The following LPCAT1 variants were observed in gnomAD, a reference collection of about 807,000 sequenced individuals.
LPCAT1 encodes 1-acylglycerol-3-phosphate O-acyltransferase.
A neutral mutation model predicts 60.9 loss-of-function variants in LPCAT1; 23 were observed. The ratio of observed to expected loss-of-function variants is 0.38; its 90% CI spans 0.27 to 0.53. The LOEUF is 0.53. Ranked by LOEUF, LPCAT1 falls within the 20% of genes least tolerant of loss-of-function variation. LPCAT1 has a pLI of 0.82. For missense variants in LPCAT1, 622 were observed against 723.6 expected (o/e 0.86, Z 1.61); for synonymous variants, 340 against 301.1 (o/e 1.13, Z -1.34).
At position 1,487,035 on chromosome 5, in the gene LPCAT1, G is replaced by A. The variant is rs538945483; in HGVS notation, c.667+1356C>T. ...CCTCACGTCTACACAAGGGCCGCCA[G>A]CTCCAAAGGGCAAGGCGATGGCCCT... is the stretch of plus-strand genomic sequence containing the variant. On this transcript the variant is annotated intron_variant, in intron 5 of 13. Transcript: ENST00000283415. This position sits in a 1 kb window ranked among gnomAD's most constrained non-coding sequence, Gnocchi z 6.1. Among the ~76,000 whole-genome samples, 12 of 152,318 alleles carry A rather than the reference G, an allele frequency of 7.9e-5. No individual in the cohort carries two copies. The East Asian group carries it at 2.3e-3, about 29-fold the overall frequency.
Position 1,481,007 on chromosome 5 carries a change from T to G in LPCAT1, c.727-31A>C. 1 of 1,613,050 alleles carries G rather than the reference T, an allele frequency of 6.2e-7. No individual in the cohort carries two copies. The highest frequency in any genetic ancestry group is 1.1e-5 in the South Asian group (1 of 91,076). On this transcript the variant is annotated intron_variant, in intron 6 of 13. Transcript: ENST00000283415. The surrounding 1 kb of genome is among the most constrained non-coding windows in gnomAD (Gnocchi z 7.8). The stretch of plus-strand genomic sequence containing the variant: ...GAGGAAGAGGCAGGGTCAGTCAGCA[T>G]GGGGCCTGCACCCAGGGCCTGCACC...
intron 1 of LPCAT1, among the ~76,000 whole-genome samples, chr5:1,509,902 C>G (rs111257712): frequency 1.3e-5 from 2 of 152,210 alleles, no homozygotes; most frequent in Non-Finnish European, 2.9e-5. Flanking sequence ...GCACCCCAGG[C>G]GCTACAGATC....
chr5:1,498,910 C>T (rs1377709309), intron 2 of LPCAT1, among the ~76,000 whole-genome samples: 1 of 151,490 alleles, frequency 6.6e-6, no homozygotes, highest in Non-Finnish European at 1.5e-5. Context: ...TATGTATGCA[C>T]ACTCACATGC....
At position 1,483,682 on chromosome 5, in the gene LPCAT1, G is replaced by A. The variant is rs1429132480; in HGVS notation, c.668-196C>T. The stretch of plus-strand genomic sequence containing the variant: ...CCCAGCGCCACAGCACGGATGGGCA[G>A]GAACATCGGCCAGGGGCGCTCCCCG... On this transcript the variant is annotated intron_variant, in intron 5 of 13. Coordinates refer to ENST00000283415, the MANE Select transcript of LPCAT1 (RefSeq NM_024830.5). The surrounding 1 kb of genome is among the most constrained non-coding windows in gnomAD (Gnocchi z 9.2). Among the ~76,000 whole-genome samples, 1 of 152,262 alleles carries A rather than the reference G, an allele frequency of 6.6e-6. No homozygotes were observed. Among genetic ancestry groups the A allele is most frequent in the African/African-American group, 2.4e-5 (1 of 41,472 alleles).
chr5:1,463,773 G>A lies in LPCAT1; in HGVS notation c.1483C>T (p.Gln495Ter), dbSNP rs1340442862. ...TCTGCACAGCTTTCGAAATGTGTCTGATCCGGGTACAGGTATTCCTCTGCG... is the reference window on the plus strand; with the variant it reads ...TCTGCACAGCTTTCGAAATGTGTCTAATCCGGGTACAGGTATTCCTCTGCG... The part of the protein sequence containing the change: ...AFAEEYLYPD[Q>*]THFESCAETS... Residue 495 changes from glutamine to a stop codon, truncating the protein, a stop_gained, in exon 14 of 14, where the codon CAG (glutamine) becomes TAG (stop). Coordinates refer to ENST00000283415, the MANE Select transcript of LPCAT1 (RefSeq NM_024830.5). LOFTEE classifies it low-confidence loss of function (END_TRUNC). The A allele has an allele frequency of 6.2e-7, 1 of 1,614,128 alleles. No homozygotes were observed. The highest frequency in any genetic ancestry group is 1.7e-5 in the Admixed American group (1 of 60,016).
chr5:1,523,889 C>A lies in LPCAT1; in HGVS notation c.-45G>T. The A allele has an allele frequency of 4.9e-6, 5 of 1,022,150 alleles. No individual in the cohort carries two copies. Among genetic ancestry groups the A allele is most frequent in the Non-Finnish European group, 5.8e-6 (5 of 855,608 alleles). The allele number at this position is 1,022,150 out of a possible 1,614,324, so 63.3% of individuals were successfully genotyped here. The stretch of plus-strand genomic sequence containing the variant: ...GAGCGCAGCCGAGCTGCCTGGGGCG[C>A]CGAGCGGGGCCGGGGCTAGCTGGGC... On this transcript the variant is annotated 5_prime_UTR_variant, in exon 1 of 14. Coordinates refer to ENST00000283415, the MANE Select transcript of LPCAT1 (RefSeq NM_024830.5). This position sits in a 1 kb window ranked among gnomAD's most constrained non-coding sequence, Gnocchi z 7.1.
In LPCAT1 at chr5:1,489,840, C is replaced by T. The variant is rs755982495; in HGVS notation, c.512G>A (p.Arg171Gln). ...PIWGTLIQYI[R>Q]PVFVSRSDQD... Reference sequence around the variant, plus strand: ...GTCTGACCGGGACACGAACACAGGCCGTATATACTGGATCAGAGCTGGAAG... The same window carrying T: ...GTCTGACCGGGACACGAACACAGGCTGTATATACTGGATCAGAGCTGGAAG... The change falls in exon 4 of 14, where the codon CGG (arginine) becomes CAG (glutamine). Residue 171 changes from arginine to glutamine, a missense_variant. Coordinates refer to ENST00000283415, the MANE Select transcript of LPCAT1 (RefSeq NM_024830.5). 3.1e-6 allele frequency: 5 copies of T among 1,612,716 alleles called. No homozygotes were observed. The highest frequency in any genetic ancestry group is 2.7e-5 in the African/African-American group (2 of 74,892).
chr5:1,473,938 C>A lies in LPCAT1; in HGVS notation c.1179+19G>T. The A allele has an allele frequency of 6.2e-7, 1 of 1,606,798 alleles. No homozygotes were observed. Among genetic ancestry groups the A allele is most frequent in the Non-Finnish European group, 8.5e-7 (1 of 1,175,042 alleles). ...AGGAGGTTTTGCCGACACCCCGCTC[C>A]GCAGGCGACAGGCCCTACCTCGTCG... is the stretch of plus-strand genomic sequence containing the variant. On this transcript the variant is annotated intron_variant, in intron 11 of 13. Transcript: ENST00000283415.
chr5:1,472,753 G>C (rs906082001), intron 11 of LPCAT1, among the ~76,000 whole-genome samples: 2 of 152,098 alleles, frequency 1.3e-5, no homozygotes, highest in Non-Finnish European at 1.5e-5. Context: ...TCGCATCCGA[G>C]ACGCTGTTTG....
intron 11 of LPCAT1, 69 bp downstream of exon 11, chr5:1,473,888 G>T: frequency 6.5e-7 from 1 of 1,549,824 alleles, no homozygotes; most frequent in Non-Finnish European, 8.8e-7. Flanking sequence ...ATATTAGAAT[G>T]AGAACAATTT....
chr5:1,501,616 G>C lies in LPCAT1; in HGVS notation c.136-13C>G. On this transcript the variant is annotated splice_polypyrimidine_tract_variant and intron_variant, in intron 1 of 13. Coordinates refer to ENST00000283415, the MANE Select transcript of LPCAT1 (RefSeq NM_024830.5). ...TCATGAGGGCCACCTGCAGACAGAGGGGGGCATTATCCAGAGAATCCATGT... is the reference window on the plus strand; with the variant it reads ...TCATGAGGGCCACCTGCAGACAGAGCGGGGCATTATCCAGAGAATCCATGT... 3 of 1,613,400 alleles carry C rather than the reference G, an allele frequency of 1.9e-6. No individual in the cohort carries two copies. Among genetic ancestry groups the C allele is most frequent in the Non-Finnish European group, 2.5e-6 (3 of 1,179,576 alleles).
At chr5:1,466,623 C>T (rs968625625) in intron 13 of LPCAT1, 126 bp downstream of exon 13, 16 of 1,064,830 alleles carry the variant, frequency 1.5e-5, no homozygotes, top group Admixed American at 5.7e-5. Context: ...TTACACAGGG[C>T]AGCCTGGTGA....
Position 1,477,317 on chromosome 5 carries a change from A to G in LPCAT1, c.899+87T>C. On this transcript the variant is annotated intron_variant, in intron 9 of 13. Transcript: ENST00000283415. The surrounding 1 kb of genome is among the most constrained non-coding windows in gnomAD (Gnocchi z 6.0). The stretch of plus-strand genomic sequence containing the variant: ...ACTTCTGCAAGAATGCCTTTTCCTA[A>G]CGCTGTTGCCTATTTTAAATATACA... The G allele has an allele frequency of 9.1e-7, 1 of 1,100,824 alleles. No homozygotes were observed. The highest frequency in any genetic ancestry group is 2.4e-5 in the East Asian group (1 of 42,038). The allele number at this position is 1,100,824 out of a possible 1,614,324, so 68.2% of individuals were successfully genotyped here.
chr5:1,514,079 A>G (rs1037170988), intron 1 of LPCAT1, among the ~76,000 whole-genome samples: 1 of 152,244 alleles, frequency 6.6e-6, no homozygotes, highest in African/African-American at 2.4e-5. Flanking sequence ...AGAAGCTCCA[A>G]TGAGAACGGG....
intron 9 of LPCAT1, among the ~76,000 whole-genome samples, chr5:1,475,419 G>A (rs919003405): frequency 6.6e-6 from 1 of 152,026 alleles, no homozygotes; most frequent in Non-Finnish European, 1.5e-5. Flanking sequence ...ACCCACCTCC[G>A]CCAGCCACAC....
chr5:1,494,656 A>G (rs1235361237), intron 3 of LPCAT1, 44 bp downstream of exon 3: 9 of 1,563,514 alleles, frequency 5.8e-6, no homozygotes, highest in Non-Finnish European at 5.3e-6. Context: ...TCTCACTCCC[A>G]GCAGGGCAGG....
chr5:1,483,206 G>C lies in LPCAT1; in HGVS notation c.726+222C>G, dbSNP rs1229090968. Among the ~76,000 whole-genome samples the C allele has an allele frequency of 6.6e-6, 1 of 152,156 alleles. No homozygotes were observed. The highest frequency in any genetic ancestry group is 1.5e-5 in the Non-Finnish European group (1 of 68,024). ...GAATCATGGGGTTGATCAGGGACAC[G>C]TGCATAGAACAGGCCGCACTCAGGA... On this transcript the variant is annotated intron_variant, in intron 6 of 13. Coordinates refer to ENST00000283415, the MANE Select transcript of LPCAT1 (RefSeq NM_024830.5). The surrounding 1 kb of genome is among the most constrained non-coding windows in gnomAD (Gnocchi z 9.2).
chr5:1,466,435 G>A (rs1734408149), intron 13 of LPCAT1, among the ~76,000 whole-genome samples: 1 of 152,194 alleles, frequency 6.6e-6, no homozygotes, highest in East Asian at 1.9e-4. Flanking sequence ...CTCGAGGGCT[G>A]GGTGCGGGTA....
intron 10 of LPCAT1, 95 bp from the exon 11 acceptor site, chr5:1,474,205 G>C: frequency 1.5e-6 from 2 of 1,325,014 alleles, no homozygotes; most frequent in Non-Finnish European, 2.1e-6. Flanking sequence ...TATTAAAATT[G>C]ACAGAAGTAG....
Sources: allele counts gnomAD v4.1 joint callset (sites outside exome capture counted in the v4.1 genomes callset), GRCh38; gene constraint gnomAD v4.1.1; non-coding constraint Gnocchi (gnomAD v3.1); transcripts MANE v1.5; gene names NCBI Gene and HGNC (gene_info 2026-07-23, HGNC 2026-07-21).